The following SNTB2 variants were observed in gnomAD, a reference collection of about 807,000 sequenced individuals.
SNTB2 encodes syntrophin beta 2.
SNTB2 carries 34 observed loss-of-function variants against 46.2 expected under a neutral mutation model. The ratio of observed to expected loss-of-function variants is 0.74; its 90% CI spans 0.56 to 0.98. The LOEUF is 0.98. Among genes scored for constraint, SNTB2 ranks in the 50% least tolerant of loss-of-function variants. The probability of loss-of-function intolerance (pLI) is 0.00; values close to 1 mark genes in which losing one functional copy is unlikely to be tolerated. For missense variants in SNTB2, 603 were observed against 731.4 expected, an observed-to-expected ratio of 0.82 and a Z score of 2.02; for synonymous variants, 290 against 312.6, an observed-to-expected ratio of 0.93 and a Z score of 0.76.
chr16:69,248,571 G>A (rs1422390489), intron 2 of SNTB2, among the ~76,000 whole-genome samples: 2 of 152,186 alleles, frequency 1.3e-5, no homozygotes, highest in Non-Finnish European at 2.9e-5. Context: ...GGCAGAGGTT[G>A]TAGTGAGCCG....
intron 1 of SNTB2, among the ~76,000 whole-genome samples, chr16:69,190,769 G>C (rs977294666): frequency 2.0e-5 from 3 of 152,166 alleles, no homozygotes; most frequent in Non-Finnish European, 1.5e-5. Context: ...ATGTGGGTTT[G>C]TTTCTGGCTA....
rs1036658072 is a variant in SNTB2 at position 69,305,994 on chromosome 16, A to G, written c.*5070A>G. 3 of 152,204 alleles carry G rather than the reference A, an allele frequency of 2.0e-5. No homozygotes were observed. The highest frequency in any genetic ancestry group is 7.2e-5 in the African/African-American group (3 of 41,456). 9.4% of individuals were successfully genotyped at this position (152,204 alleles called of 1,614,324 possible). On this transcript the variant is annotated 3_prime_UTR_variant, in exon 7 of 7. Transcript: ENST00000336278. ...GTGTGATGATAGTTCTAAAATAATT[A>G]TGCTATATATCAGGGTTCTGTATTT...
intron 4 of SNTB2, among the ~76,000 whole-genome samples, chr16:69,275,129 G>A (rs1363606538): frequency 6.6e-6 from 1 of 150,686 alleles, no homozygotes; most frequent in African/African-American, 2.4e-5. Flanking sequence ...AGAGTGTGCA[G>A]TGGCAGGATC....
chr16:69,273,571 G>A (rs1409836084), intron 4 of SNTB2, among the ~76,000 whole-genome samples: 1 of 152,164 alleles, frequency 6.6e-6, no homozygotes, highest in African/African-American at 2.4e-5. Flanking sequence ...GCCGGCGGGG[G>A]AGCTAATGGG....
chr16:69,207,130 C>T lies in SNTB2; in HGVS notation c.580+19384C>T, dbSNP rs189767142. Among the ~76,000 whole-genome samples the T allele has an allele frequency of 2.0e-5, 3 of 146,976 alleles. No individual in the cohort carries two copies. The East Asian group carries it at 6.0e-4, about 29-fold the overall frequency. On this transcript the variant is annotated intron_variant, in intron 1 of 6. Transcript: ENST00000336278. ...TTAGAGGCTTTAAAGTATAGATTTT[C>T]CTTTTCTTTTCTTTTCTTTCTTTCT... is the stretch of plus-strand genomic sequence containing the variant.
chr16:69,258,893 G>A (rs148100439), intron 2 of SNTB2, among the ~76,000 whole-genome samples: 486 of 152,020 alleles, frequency 3.2e-3, no homozygotes, highest in Middle Eastern at 0.01. Flanking sequence ...GATTACAAGC[G>A]TGAGCCACCA....
Position 69,308,361 on chromosome 16 carries a change from T to TTTGGC in SNTB2, c.*7438_*7442dup, listed in dbSNP as rs1420267451. The stretch of plus-strand genomic sequence containing the variant: ...ATGATGATGTCAATTAAGTTTCAGG[T>TTTGGC]TTGGCATGATCATCATTCTCGATGA... On this transcript the variant is annotated 3_prime_UTR_variant, in exon 7 of 7. Transcript: ENST00000336278. 6.6e-6 allele frequency: 1 copy of TTTGGC among 152,616 alleles called. No individual in the cohort carries two copies. Among genetic ancestry groups the TTTGGC allele is most frequent in the African/African-American group, 2.4e-5 (1 of 41,436 alleles). The allele number at this position is 152,616 out of a possible 1,614,324, so 9.5% of individuals were successfully genotyped here. A position where few individuals can be genotyped will look rare whatever the true frequency, so the allele number is the denominator to read the frequency against.
chr16:69,289,367 AG>A (rs1209608320), intron 5 of SNTB2, among the ~76,000 whole-genome samples: 1 of 152,100 alleles, frequency 6.6e-6, no homozygotes, highest in Admixed American at 6.6e-5. Flanking sequence ...GCTGTGAAGA[AG>A]GGTTGGTTAA....
chr16:69,189,011 G>A (rs1964022862), intron 1 of SNTB2, among the ~76,000 whole-genome samples: 1 of 152,088 alleles, frequency 6.6e-6, no homozygotes, highest in African/African-American at 2.4e-5. Flanking sequence ...GAAGGGCTGG[G>A]GGCTGCTGGT....
intron 1 of SNTB2, among the ~76,000 whole-genome samples, chr16:69,205,365 A>G (rs979936918): frequency 1.4e-5 from 2 of 142,918 alleles, no homozygotes; most frequent in African/African-American, 5.3e-5. Context: ...TTTAGGGTAC[A>G]TGTGCACATT....
At position 69,284,133 on chromosome 16, in the gene SNTB2, A is replaced by C; in HGVS notation, c.1234A>C (p.Ile412Leu). ...FATRTGSRQG[I>L]EMHLFRVETH... is the part of the protein sequence containing the mutation. ...TACCAGGACAGGCTCTCGACAGGGC[A>C]TTGAGATGCATCTCTTCAGGGTGGA... The change falls in exon 5 of 7, where the codon ATT (isoleucine) becomes CTT (leucine). Residue 412 changes from isoleucine to leucine, a missense_variant. Around this residue, in one of 2 missense-constraint regions of SNTB2, gnomAD observed 537 missense variants for 692.4 expected, o/e 0.78. Transcript: ENST00000336278. The C allele has an allele frequency of 2.5e-6, 4 of 1,614,036 alleles. No individual in the cohort carries two copies. The highest frequency in any genetic ancestry group is 3.4e-6 in the Non-Finnish European group (4 of 1,179,994).
intron 3 of SNTB2, among the ~76,000 whole-genome samples, chr16:69,267,951 G>T (rs781539427): frequency 1.3e-5 from 2 of 152,230 alleles, no homozygotes; most frequent in Admixed American, 6.5e-5. Context: ...TTAAAATGCA[G>T]TGTTGTTGAA....
At chr16:69,213,696 C>A (rs1041913537) in intron 1 of SNTB2, among the ~76,000 whole-genome samples, 3 of 151,004 alleles carry the variant, frequency 2.0e-5, no homozygotes, top group African/African-American at 7.3e-5. Context: ...GATGGGGTTT[C>A]ACCATGCTGG....
chr16:69,260,215 A>T lies in SNTB2; in HGVS notation c.960A>T (p.Ala320=). 6.2e-7 allele frequency: 1 copy of T among 1,614,196 alleles called. No individual in the cohort carries two copies. Among genetic ancestry groups the T allele is most frequent in the South Asian group, 1.1e-5 (1 of 91,082 alleles). The change falls in exon 3 of 7, where the codon GCA becomes GCT. Residue 320 remains alanine (A), a synonymous_variant. Transcript: ENST00000336278. ...LNAMLGATST[A]GGSKEVKHIA... is the part of the protein sequence containing the mutation. ...CCATGCTTGGGGCAACCAGTACAGCAGGAGGCAGTAAAGAGGTGAAGCATA... is the reference window on the plus strand; with the variant it reads ...CCATGCTTGGGGCAACCAGTACAGCTGGAGGCAGTAAAGAGGTGAAGCATA...
chr16:69,206,237 T>C (rs1236306770), intron 1 of SNTB2, among the ~76,000 whole-genome samples: 1 of 152,148 alleles, frequency 6.6e-6, no homozygotes, highest in African/African-American at 2.4e-5. Flanking sequence ...TGGGCTCAAG[T>C]GATCCTTCTG....
rs921030875 is a variant in SNTB2 at position 69,305,504 on chromosome 16, C to T, written c.*4580C>T. 10 of 152,192 alleles carry T rather than the reference C, an allele frequency of 6.6e-5. No individual in the cohort carries two copies. The highest frequency in any genetic ancestry group is 1.3e-4 in the Non-Finnish European group (9 of 68,038). The allele number at this position is 152,192 out of a possible 1,614,324, so 9.4% of individuals were successfully genotyped here. On this transcript the variant is annotated 3_prime_UTR_variant, in exon 7 of 7. Transcript: ENST00000336278. ...TAGAAAGCCAAAGGTCTTCTTTTTT[C>T]AATTCCTAATGAATAAGTAAAATGC...
At chr16:69,250,950 T>C (rs1964719450) in intron 2 of SNTB2, among the ~76,000 whole-genome samples, 1 of 151,508 alleles carries the variant, frequency 6.6e-6, no homozygotes, top group Non-Finnish European at 1.5e-5. Flanking sequence ...TTATCTCAGC[T>C]CTGTTAAAGG....
At chr16:69,299,159 T>A (rs1278488933) in intron 5 of SNTB2, among the ~76,000 whole-genome samples, 1 of 151,932 alleles carries the variant, frequency 6.6e-6, no homozygotes. Flanking sequence ...TTTTTTTTTT[T>A]TTTGAGACAG....
At chr16:69,202,967 A>G (rs915106254) in intron 1 of SNTB2, among the ~76,000 whole-genome samples, 1 of 151,532 alleles carries the variant, frequency 6.6e-6, no homozygotes, top group Admixed American at 6.6e-5. Context: ...TGATCCTCCT[A>G]CCTTAGCCTC....
Sources: gnomAD v4.1 joint callset for allele counts (sites outside exome capture counted in the v4.1 genomes callset) on GRCh38, gnomAD v4.1.1 for gene constraint, gnomAD v4.1.1 regional missense constraint, MANE v1.5 for transcripts, NCBI Gene and HGNC (gene_info 2026-07-23, HGNC 2026-07-21) for gene names.